IGFL2: variants seen among roughly 807,000 people sequenced by gnomAD.
IGFL2 encodes the protein insulin growth factor-like family member 2.
IGFL2 carries 7 observed loss-of-function variants against 13.9 expected under a neutral mutation model. The ratio of observed to expected loss-of-function variants is 0.51; its 90% confidence interval spans 0.29 to 0.95. The LOEUF (loss-of-function observed/expected upper bound fraction) is 0.95. IGFL2 is among the 40% of genes least tolerant of loss of function. The probability of loss-of-function intolerance (pLI) is 0.08; values close to 1 mark genes in which losing one functional copy is unlikely to be tolerated. For missense variants in IGFL2, 138 were observed against 147.8 expected (o/e 0.93, Z 0.34); for synonymous variants, 55 against 55.8 (o/e 0.99, Z 0.07).
At chr19:46,126,821 T>G in the IGFL2 span, among the ~76,000 whole-genome samples, 1 of 152,166 alleles carries the variant, frequency 6.6e-6, no homozygotes, top group African/African-American at 2.4e-5. Context: ...GAAGACTTAG[T>G]TCGTCCCTGT....
the IGFL2 span, among the ~76,000 whole-genome samples, chr19:46,083,114 T>A: frequency 1.3e-5 from 2 of 152,358 alleles, no homozygotes; most frequent in South Asian, 4.1e-4. Flanking sequence ...ATTGTTTTAG[T>A]TTTCAATTAG....
chr19:46,192,331 G>T, the IGFL2 span, among the ~76,000 whole-genome samples: 1 of 152,032 alleles, frequency 6.6e-6, no homozygotes, highest in South Asian at 2.1e-4. Flanking sequence ...TATGAAGAAT[G>T]CTCGATGCTC....
the IGFL2 span, among the ~76,000 whole-genome samples, chr19:46,178,209 G>A: frequency 1.6e-3 from 246 of 152,104 alleles, 1 homozygote; most frequent in African/African-American, 5.2e-3. Flanking sequence ...CCCAGGAGGC[G>A]GAGGTTGCAG....
chr19:46,116,174 G>T, the IGFL2 span, among the ~76,000 whole-genome samples: 59 of 152,206 alleles, frequency 3.9e-4, no homozygotes, highest in African/African-American at 1.3e-3. Context: ...TTGGTGTGCT[G>T]CACCCATTAA....
At chr19:46,180,933 T>C in the IGFL2 span, among the ~76,000 whole-genome samples, 3 of 152,230 alleles carry the variant, frequency 2.0e-5, no homozygotes, top group Non-Finnish European at 2.9e-5. Flanking sequence ...GCCGATTGGA[T>C]GGTGCCCCCC....
chr19:46,180,517 A>G, the IGFL2 span: 3 of 152,100 alleles, frequency 2.0e-5, no homozygotes, highest in Non-Finnish European at 2.9e-5. Context: ...TATTTACTAC[A>G]TTTGTATTAG....
chr19:46,181,561 A>C, the IGFL2 span, among the ~76,000 whole-genome samples: 1 of 152,218 alleles, frequency 6.6e-6, no homozygotes, highest in Non-Finnish European at 1.5e-5. Context: ...TTTCAGATTT[A>C]GCACTTCGGC....
At chr19:46,110,286 T>C in the IGFL2 span, among the ~76,000 whole-genome samples, 1 of 152,206 alleles carries the variant, frequency 6.6e-6, no homozygotes, top group Non-Finnish European at 1.5e-5. Flanking sequence ...AGTTTTTGGA[T>C]GTTAAGTCTG....
At chr19:46,101,677 G>A in the IGFL2 span, among the ~76,000 whole-genome samples, 2,355 of 152,318 alleles carry the variant, frequency 0.015, 38 homozygotes, top group Middle Eastern at 0.027. Flanking sequence ...CTCAGACGTC[G>A]TAAGCAGCAG....
At chr19:46,118,451 A>G in the IGFL2 span, among the ~76,000 whole-genome samples, 1 of 152,170 alleles carries the variant, frequency 6.6e-6, no homozygotes, top group Non-Finnish European at 1.5e-5. Flanking sequence ...GGGAAGCAGT[A>G]AGAGAGAAAG....
At chr19:46,169,056 A>G in the IGFL2 span, among the ~76,000 whole-genome samples, 1 of 151,884 alleles carries the variant, frequency 6.6e-6, no homozygotes, top group African/African-American at 2.4e-5. Flanking sequence ...TTTCTTTTTT[A>G]ATTAGCCAGG....
the IGFL2 span, among the ~76,000 whole-genome samples, chr19:46,130,959 T>C: frequency 6.6e-6 from 1 of 152,178 alleles, no homozygotes; most frequent in African/African-American, 2.4e-5. Context: ...ACCACTGCCC[T>C]ACATCTTCTT....
chr19:46,185,691 T>A, the IGFL2 span, among the ~76,000 whole-genome samples: 1 of 152,252 alleles, frequency 6.6e-6, no homozygotes, highest in Non-Finnish European at 1.5e-5. Flanking sequence ...ATACACCCAG[T>A]CTATACAGTG....
At chr19:46,125,432 C>G in the IGFL2 span, among the ~76,000 whole-genome samples, 1 of 152,242 alleles carries the variant, frequency 6.6e-6, no homozygotes, top group East Asian at 1.9e-4. Context: ...GAGGGAAGGG[C>G]AGGGCAAACT....
chr19:46,130,532 C>CT, the IGFL2 span, among the ~76,000 whole-genome samples: 1 of 152,032 alleles, frequency 6.6e-6, no homozygotes, highest in African/African-American at 2.4e-5. Flanking sequence ...TTGGAAGCAC[C>CT]TTTTCATTAT....
At chr19:46,093,617 A>G in the IGFL2 span, among the ~76,000 whole-genome samples, 1 of 152,212 alleles carries the variant, frequency 6.6e-6, no homozygotes, top group Non-Finnish European at 1.5e-5. Context: ...TACAGACATT[A>G]TTGCCGATGT....
chr19:46,150,797 G>T (rs1317103224), intron 1 of IGFL2, among the ~76,000 whole-genome samples: 2 of 152,034 alleles, frequency 1.3e-5, no homozygotes, highest in African/African-American at 4.8e-5. Flanking sequence ...CAGCTCCCAA[G>T]TAGCTGAGAC....
At chr19:46,206,510 C>T in the IGFL2 span, among the ~76,000 whole-genome samples, 1 of 152,158 alleles carries the variant, frequency 6.6e-6, no homozygotes, top group Non-Finnish European at 1.5e-5. Flanking sequence ...GAGCAACATG[C>T]CCGGACAGGT....
chr19:46,096,857 C>A, the IGFL2 span, among the ~76,000 whole-genome samples: 2 of 152,182 alleles, frequency 1.3e-5, no homozygotes, highest in Non-Finnish European at 2.9e-5. Context: ...CCTTGCATCC[C>A]ATGGATGAAG....
Sources: allele counts gnomAD v4.1 joint callset (sites outside exome capture counted in the v4.1 genomes callset), GRCh38; gene constraint gnomAD v4.1.1; transcripts MANE v1.5; gene names NCBI Gene and HGNC (gene_info 2026-07-23, HGNC 2026-07-21).